The following CUL4B variants were observed in gnomAD, a reference collection of about 807,000 sequenced individuals.
The protein encoded by CUL4B is cullin-4B.
In CUL4B, 1 loss-of-function variant was observed where a neutral mutation model predicts 69.2. That is an observed-to-expected ratio of 0.01 (90% CI 0.01 to 0.07). CUL4B has a LOEUF of 0.07. Among genes scored for constraint, CUL4B ranks in the 10% least tolerant of loss-of-function variants. CUL4B has a pLI of 1.00. For synonymous variants in CUL4B, 237 were observed against 223.2 expected, an observed-to-expected ratio of 1.06 and a Z score of -0.55; for missense variants, 328 against 638.8, an observed-to-expected ratio of 0.51 and a Z score of 5.24.
Position 120,560,171 on chromosome X carries a change from G to A in CUL4B, c.468C>T (p.Asn156=). 8.3e-7 allele frequency: 1 copy of A among 1,211,776 alleles called. No homozygotes were observed. Among genetic ancestry groups the A allele is most frequent in the Non-Finnish European group, 1.1e-6 (1 of 895,440 alleles). The change falls in exon 1 of 20, where the codon AAC becomes AAT. Residue 156 remains asparagine (N), a synonymous_variant. Coordinates refer to ENST00000371322, the MANE Select transcript of CUL4B (RefSeq NM_001079872.2). ...ISSVASVHHA[N]GLAKSSTTVS... is the part of the protein sequence containing the mutation. ...CGGTGGTAGAAGATTTGGCTAGGCCGTTTGCATGATGCACCGAAGCCACAG... is the reference window on the plus strand; with the variant it reads ...CGGTGGTAGAAGATTTGGCTAGGCCATTTGCATGATGCACCGAAGCCACAG...
rs753941445 is a variant in CUL4B, at chrX:120,574,593, C to G, written c.25G>C (p.Gly9Arg). The stretch of plus-strand genomic sequence containing the variant: ...GTAGCCTCATCATCATTCCCATCTC[C>G]TGATCCAGATGACTGTGACATCATC... The change falls in exon 2 of 3, where the codon GGA becomes CGA. Residue 9 changes from glycine to arginine, a missense_variant. Transcript: ENST00000486604. 20 of 1,208,315 alleles carry G rather than the reference C, an allele frequency of 1.7e-5. No homozygotes were observed. In the East Asian group the frequency reaches 5.9e-4, roughly 36 times the overall value.
intron 2 of CUL4B, among the ~76,000 whole-genome samples, chrX:120,552,931 T>C (rs369335804): frequency 7.5e-4 from 84 of 112,107 alleles, no homozygotes; most frequent in Middle Eastern, 4.7e-3. Context: ...ATGGCTAAGA[T>C]ACTCTAAGTA....
chrX:120,574,448 T>C (rs1925807374), intron 2 of CUL4B: 4 of 648,223 alleles, frequency 6.2e-6, no homozygotes, highest in Middle Eastern at 3.5e-4. Context: ...TCTGCTCGCC[T>C]CGGCCTCCCA....
chrX:120,565,274 T>A (rs1925458838), upstream of CUL4B, among the ~76,000 whole-genome samples: 1 of 109,822 alleles, frequency 9.1e-6, no homozygotes, highest in Admixed American at 9.8e-5. Context: ...ATCCAATGGG[T>A]GGGATTTTCC....
At chrX:120,570,325 A>C (rs1241702624), downstream of CUL4B, among the ~76,000 whole-genome samples, 1 of 112,332 alleles carries the variant, frequency 8.9e-6, no homozygotes, top group Admixed American at 9.4e-5. Context: ...CAGATAAACT[A>C]CAGCAGGGTT....
intron 18 of CUL4B, among the ~76,000 whole-genome samples, 197 bp from the exon 19 acceptor site, chrX:120,530,451 T>A (rs1338386852): frequency 1.8e-5 from 2 of 112,458 alleles, no homozygotes; most frequent in Admixed American, 9.4e-5. Flanking sequence ...TATATTGCCC[T>A]ATACCAATGA....
At chrX:120,551,416 G>C (rs1269075237) in intron 2 of CUL4B, among the ~76,000 whole-genome samples, 1 of 110,429 alleles carries the variant, frequency 9.1e-6, no homozygotes, top group Admixed American at 9.7e-5. Flanking sequence ...GGCCAGGCTA[G>C]TCTCGAACTC....
upstream of CUL4B, chrX:120,561,469 TG>T (rs2147351956): frequency 7.1e-6 from 2 of 280,535 alleles, no homozygotes; most frequent in East Asian, 9.4e-5. Flanking sequence ...AGGGAGAAAT[TG>T]GGGGGAAGAA....
In CUL4B at chrX:120,539,390, TTTG is replaced by T. The variant is rs1923855377; in HGVS notation, c.1637-21_1637-19del. 1 of 1,050,068 alleles carries T rather than the reference TTTG, an allele frequency of 9.5e-7. No homozygotes were observed. Among genetic ancestry groups the T allele is most frequent in the Admixed American group, 2.3e-5 (1 of 43,969 alleles). The allele number at this position is 1,050,068 out of a possible 1,213,427, so 86.5% of individuals were successfully genotyped here. A position where few individuals can be genotyped will look rare whatever the true frequency, so the allele number is the denominator to read the frequency against. ...ATACTTAGCTAAAATGGGGGAAAAG[TTTG>T]TTGTTTAATAACCGGGGAATACACG... On this transcript the variant is annotated intron_variant, in intron 11 of 19. Coordinates refer to ENST00000371322, the MANE Select transcript of CUL4B (RefSeq NM_001079872.2).
chrX:120,549,988 C>T (rs1245066918), intron 2 of CUL4B, among the ~76,000 whole-genome samples: 1 of 111,852 alleles, frequency 8.9e-6, no homozygotes, highest in Non-Finnish European at 1.9e-5. Flanking sequence ...GCTATGTTCC[C>T]TTCTCAAATA....
chrX:120,550,350 A>C (rs1329169917), intron 2 of CUL4B, among the ~76,000 whole-genome samples: 1 of 112,317 alleles, frequency 8.9e-6, no homozygotes, highest in Non-Finnish European at 1.9e-5. Flanking sequence ...AAAAAACTCT[A>C]GCAATGTGTC....
At chrX:120,569,120 A>G (rs1486570055), downstream of CUL4B, among the ~76,000 whole-genome samples, 1 of 111,555 alleles carries the variant, frequency 9.0e-6, no homozygotes, top group African/African-American at 3.3e-5. Flanking sequence ...GTTCTAGAGA[A>G]TCAGTCTATT....
chrX:120,526,996 C>T, intron 19 of CUL4B, 140 bp from the exon 20 acceptor site: 2 of 310,673 alleles, frequency 6.4e-6, no homozygotes, highest in Non-Finnish European at 1.1e-5. Context: ...ATTTAAATCT[C>T]TTTTTTAGAG....
intron 10 of CUL4B, 58 bp downstream of exon 10, chrX:120,541,544 C>T: frequency 1.3e-6 from 1 of 787,164 alleles, no homozygotes; most frequent in Non-Finnish European, 2.0e-6. Flanking sequence ...TGCCAATATG[C>T]ACTCTTGATG....
At position 120,547,149 on chromosome X, in the gene CUL4B, G is replaced by T. The variant is rs752363861; in HGVS notation, c.763C>A (p.His255Asn). Residue 255 changes from histidine (H) to asparagine (N), a missense_variant, in exon 3 of 20, where the codon CAT becomes AAT. His to Asn is a moderately conservative substitution (Grantham distance 68). Coordinates refer to ENST00000371322, the MANE Select transcript of CUL4B (RefSeq NM_001079872.2). ...TAAAAAGGATATTCTCTGAATTGAT[G>T]AATCTGTGCTTTGATGTGATCTTCG... ...ICEDHIKAQI[H>N]QFREDSLDSV... 4.8e-5 allele frequency: 57 copies of T among 1,194,967 alleles called. No homozygotes were observed. Among genetic ancestry groups the T allele is most frequent in the Non-Finnish European group, 5.0e-5 (44 of 881,666 alleles).
chrX:120,547,332 AG>A (rs1924398753), intron 2 of CUL4B, 93 bp from the exon 3 acceptor site: 1 of 577,769 alleles, frequency 1.7e-6, no homozygotes. Context: ...CTACCACATC[AG>A]CTTATTAAAA....
At chrX:120,534,691 A>G in intron 16 of CUL4B, 105 bp from the exon 17 acceptor site, 1 of 569,812 alleles carries the variant, frequency 1.8e-6, no homozygotes, top group Non-Finnish European at 3.0e-6. Flanking sequence ...ATTTAGAAAC[A>G]TGATTAGCAT....
At chrX:120,528,597 T>C (rs1207527236) in intron 19 of CUL4B, among the ~76,000 whole-genome samples, 1 of 109,341 alleles carries the variant, frequency 9.1e-6, no homozygotes, top group African/African-American at 3.3e-5. Flanking sequence ...TGTGCGCACC[T>C]GTGGTCCCAG....
chrX:120,565,280 T>A (rs973819388), upstream of CUL4B, among the ~76,000 whole-genome samples: 2 of 110,555 alleles, frequency 1.8e-5, no homozygotes, highest in African/African-American at 6.6e-5. Flanking sequence ...TGGGTGGGAT[T>A]TTCCTTAGGA....
Sources: allele counts gnomAD v4.1 joint callset (sites outside exome capture counted in the v4.1 genomes callset), GRCh38; gene constraint gnomAD v4.1.1; transcripts MANE v1.5; gene names NCBI Gene and HGNC (gene_info 2026-07-23, HGNC 2026-07-21).